Variants in PDLIM5 observed in about 807,000 individuals in gnomAD.
PDLIM5 encodes PDZ and LIM domain protein 5.
Under a neutral mutation model 64.2 loss-of-function variants are expected in PDLIM5, and 34 were observed. The ratio of observed to expected loss-of-function variants is 0.53; its 90% CI spans 0.40 to 0.71. The LOEUF is 0.71. Ranked by LOEUF, PDLIM5 falls within the 30% of genes least tolerant of loss-of-function variation. The pLI, the probability that PDLIM5 is intolerant of heterozygous loss-of-function variation, is 0.00. For synonymous variants in PDLIM5, 253 were observed against 269.1 expected (o/e 0.94, Z 0.59); for missense variants, 683 against 733.6 (o/e 0.93, Z 0.80).
rs753151225 is a variant in PDLIM5 at position 94,523,737 on chromosome 4, G to A, written c.110G>A (p.Gly37Asp). Residue 37 changes from glycine to aspartate, a missense_variant, in exon 3 of 13, where the codon GGC becomes GAC. Coordinates refer to ENST00000317968, the MANE Select transcript of PDLIM5 (RefSeq NM_006457.5). ...PLTISSLKDG[G>D]KAAQANVRIG... ...TATTTATTACAGCTAAAAGATGGCGGCAAGGCAGCCCAGGCAAATGTAAGA... is the reference window on the plus strand; with the variant it reads ...TATTTATTACAGCTAAAAGATGGCGACAAGGCAGCCCAGGCAAATGTAAGA... 2.5e-6 allele frequency: 4 copies of A among 1,612,308 alleles called. No individual in the cohort carries two copies. Among genetic ancestry groups the A allele is most frequent in the Non-Finnish European group, 2.5e-6 (3 of 1,178,642 alleles).
At chr4:94,519,518 G>A (rs1729649063) in intron 2 of PDLIM5, among the ~76,000 whole-genome samples, 2 of 152,162 alleles carry the variant, frequency 1.3e-5, no homozygotes, top group Non-Finnish European at 2.9e-5. Context: ...TTCAAAGCCT[G>A]TGCTCAGTAT....
intron 3 of PDLIM5, among the ~76,000 whole-genome samples, chr4:94,529,707 A>G (rs995105682): frequency 2.6e-5 from 4 of 152,166 alleles, no homozygotes; most frequent in Middle Eastern, 3.2e-3. Flanking sequence ...ATGAACATAA[A>G]AGTGTGAATG....
At chr4:94,618,651 C>G (rs1464164404) in intron 8 of PDLIM5, among the ~76,000 whole-genome samples, 2 of 152,194 alleles carry the variant, frequency 1.3e-5, no homozygotes, top group Non-Finnish European at 2.9e-5. Flanking sequence ...AAGAAGGACA[C>G]AGTACTAGAA....
Position 94,583,602 on chromosome 4 carries a change from T to C in PDLIM5, c.711-1963T>C, listed in dbSNP as rs370838864. On this transcript the variant is annotated intron_variant, in intron 5 of 12. Coordinates refer to ENST00000317968, the MANE Select transcript of PDLIM5 (RefSeq NM_006457.5). ...ATGCTTATTTCTTAATTTTAAAACA[T>C]TTTGTTCATTTTTAAAAGAACTAGG... Among the ~76,000 whole-genome samples, 11 of 152,298 alleles carry C rather than the reference T, an allele frequency of 7.2e-5. 1 individual carries two copies. The highest frequency in any genetic ancestry group is 3.9e-4 in the East Asian group (2 of 5,188).
At chr4:94,490,301 A>C (rs1726756222) in intron 2 of PDLIM5, among the ~76,000 whole-genome samples, 1 of 152,066 alleles carries the variant, frequency 6.6e-6, no homozygotes, top group Admixed American at 6.6e-5. Flanking sequence ...TAATGATTTT[A>C]GATTGCATTA....
chr4:94,600,482 G>A (rs1031036407), intron 7 of PDLIM5, among the ~76,000 whole-genome samples: 1 of 152,134 alleles, frequency 6.6e-6, no homozygotes, highest in African/African-American at 2.4e-5. Context: ...TTTCAAACAG[G>A]TAACTTGACT....
At chr4:94,491,779 G>A (rs1726894667) in intron 2 of PDLIM5, among the ~76,000 whole-genome samples, 1 of 151,898 alleles carries the variant, frequency 6.6e-6, no homozygotes, top group South Asian at 2.1e-4. Flanking sequence ...TATTTTAATT[G>A]ACATATCTTA....
At position 94,665,368 on chromosome 4, in the gene PDLIM5, T is replaced by G. The variant is rs1321865555; in HGVS notation, c.*1301T>G. ...ATGGTGGGGCGTGCCTGTAGTCCCA[T>G]GTACTTGGGAGGCTGAGGCAGGAAA... On this transcript the variant is annotated 3_prime_UTR_variant, in exon 13 of 13. Transcript: ENST00000317968. 2.7e-5 allele frequency: 7 copies of G among 261,776 alleles called. No homozygotes were observed. The highest frequency in any genetic ancestry group is 3.5e-5 in the Non-Finnish European group (6 of 169,228). 16.2% of individuals were successfully genotyped at this position (261,776 alleles called of 1,614,324 possible). A position where few individuals can be genotyped will look rare whatever the true frequency, so the allele number is the denominator to read the frequency against.
At chr4:94,553,226 A>G (rs1732969784) in intron 3 of PDLIM5, among the ~76,000 whole-genome samples, 1 of 152,102 alleles carries the variant, frequency 6.6e-6, no homozygotes, top group African/African-American at 2.4e-5. Flanking sequence ...CTCCAGCCAC[A>G]GCCTCCTGAG....
chr4:94,514,133 CT>C (rs34757067), intron 2 of PDLIM5, among the ~76,000 whole-genome samples: 33,068 of 115,008 alleles, frequency 0.29, 4,832 homozygotes, highest in African/African-American at 0.57. Flanking sequence ...CTAGTATTTT[CT>C]TTTTTTTTTT....
intron 3 of PDLIM5, among the ~76,000 whole-genome samples, chr4:94,555,436 G>T (rs7685204): frequency 0.041 from 6,231 of 152,218 alleles, 172 homozygotes; most frequent in Non-Finnish European, 0.055. Context: ...AGGAGCATCT[G>T]TATATACATG....
At chr4:94,621,659 A>T (rs1035856498) in intron 8 of PDLIM5, among the ~76,000 whole-genome samples, 43 of 152,172 alleles carry the variant, frequency 2.8e-4, no homozygotes, top group African/African-American at 7.2e-4. Context: ...CATTTTTTTG[A>T]ACTCTTGGCG....
At chr4:94,654,199 C>T (rs1019070119) in intron 9 of PDLIM5, among the ~76,000 whole-genome samples, 2 of 152,122 alleles carry the variant, frequency 1.3e-5, no homozygotes, top group African/African-American at 4.8e-5. Flanking sequence ...TAAAACATCA[C>T]CAAATTCCCT....
intron 2 of PDLIM5, among the ~76,000 whole-genome samples, chr4:94,499,661 C>T (rs769709434): frequency 6.6e-5 from 10 of 152,230 alleles, no homozygotes; most frequent in East Asian, 5.8e-4. Flanking sequence ...CCCCAGTCCC[C>T]GGGTTATGGA....
chr4:94,456,166 T>C (rs931273533), intron 2 of PDLIM5: 39 of 466,716 alleles, frequency 8.4e-5, no homozygotes, highest in African/African-American at 7.4e-4. Flanking sequence ...AATATGAATT[T>C]CCATCTTCTT....
chr4:94,462,378 G>A (rs1024781060), intron 2 of PDLIM5, among the ~76,000 whole-genome samples: 6 of 150,570 alleles, frequency 4.0e-5, no homozygotes, highest in African/African-American at 1.5e-4. Flanking sequence ...TTTTTTTTTG[G>A]CATTTTGTTC....
At chr4:94,650,824 C>T (rs1184177910) in intron 9 of PDLIM5, among the ~76,000 whole-genome samples, 1 of 151,706 alleles carries the variant, frequency 6.6e-6, no homozygotes, top group African/African-American at 2.4e-5. Context: ...CCACATGCCC[C>T]GCCTTTTTGG....
intron 3 of PDLIM5, among the ~76,000 whole-genome samples, chr4:94,556,071 A>G (rs1217447754): frequency 6.9e-6 from 1 of 144,480 alleles, no homozygotes; most frequent in Non-Finnish European, 1.5e-5. Flanking sequence ...CCACCCCACA[A>G]CAGGCCCCGG....
At chr4:94,452,996 G>A (rs1018415721) in intron 1 of PDLIM5, among the ~76,000 whole-genome samples, 1 of 151,914 alleles carries the variant, frequency 6.6e-6, no homozygotes, top group Non-Finnish European at 1.5e-5. Flanking sequence ...TTAATTTCAG[G>A]CCTTTTTTTT....
Sources: gnomAD v4.1 joint callset for allele counts (sites outside exome capture counted in the v4.1 genomes callset) on GRCh38, gnomAD v4.1.1 for gene constraint, MANE v1.5 for transcripts, NCBI Gene and HGNC (gene_info 2026-07-23, HGNC 2026-07-21) for gene names.